The following KCNJ15 variants were observed in gnomAD, a reference collection of about 807,000 sequenced individuals.
KCNJ15 encodes potassium inwardly rectifying channel subfamily J member 15.
In KCNJ15, 14 loss-of-function variants were observed where a neutral mutation model predicts 23.0. The ratio of observed to expected loss-of-function variants is 0.61; its 90% CI spans 0.40 to 0.95. KCNJ15 has a LOEUF of 0.95. Among genes scored for constraint, KCNJ15 ranks in the 40% least tolerant of loss-of-function variants. KCNJ15 has a pLI of 0.00. For synonymous variants in KCNJ15, 185 were observed against 183.2 expected (o/e 1.01, Z -0.08); for missense variants, 388 against 461.8 (o/e 0.84, Z 1.46).
intron 1 of KCNJ15, chr21:38,238,413 G>T: frequency 2.9e-6 from 2 of 691,804 alleles, no homozygotes; most frequent in Non-Finnish European, 5.5e-6. Context: ...TAGGAATGTA[G>T]ACAGGGTGGA....
chr21:38,243,317 G>GT (rs1979136083), intron 1 of KCNJ15, among the ~76,000 whole-genome samples: 1 of 151,956 alleles, frequency 6.6e-6, no homozygotes, highest in African/African-American at 2.4e-5. Flanking sequence ...AACCTGTTTT[G>GT]TTTTTTCCCC....
chr21:38,260,500 A>G (rs945059789), intron 1 of KCNJ15, among the ~76,000 whole-genome samples: 2 of 152,220 alleles, frequency 1.3e-5, no homozygotes, highest in African/African-American at 4.8e-5. Flanking sequence ...CCACTATCCA[A>G]TTTGAATCCA....
At chr21:38,259,604 T>C (rs985642592) in intron 1 of KCNJ15, among the ~76,000 whole-genome samples, 1 of 152,218 alleles carries the variant, frequency 6.6e-6, no homozygotes, top group Non-Finnish European at 1.5e-5. Flanking sequence ...AAAGATGAGT[T>C]TGTTGCTTAT....
chr21:38,253,638 A>G (rs1348632025), upstream of KCNJ15, among the ~76,000 whole-genome samples: 1 of 152,170 alleles, frequency 6.6e-6, no homozygotes, highest in Non-Finnish European at 1.5e-5. Flanking sequence ...ATCACACTTT[A>G]AGGTTTTTTA....
At chr21:38,254,268 C>A (rs991211845), upstream of KCNJ15, among the ~76,000 whole-genome samples, 3 of 152,178 alleles carry the variant, frequency 2.0e-5, no homozygotes, top group African/African-American at 7.2e-5. Context: ...CACCTCTCAA[C>A]CCTGCAGTCA....
upstream of KCNJ15, among the ~76,000 whole-genome samples, chr21:38,255,819 T>C (rs2090277573): frequency 6.6e-6 from 1 of 152,098 alleles, no homozygotes; most frequent in Non-Finnish European, 1.5e-5. Flanking sequence ...AGAGGAAGTA[T>C]CATTCATTTC....
chr21:38,292,718 C>T (rs1310794721), intron 1 of KCNJ15, among the ~76,000 whole-genome samples: 3 of 152,226 alleles, frequency 2.0e-5, no homozygotes, highest in East Asian at 3.9e-4. Flanking sequence ...ACTGTAATCC[C>T]GGCACTTTGG....
chr21:38,265,975 T>G (rs775287444), intron 1 of KCNJ15, among the ~76,000 whole-genome samples: 1 of 152,066 alleles, frequency 6.6e-6, no homozygotes, highest in Non-Finnish European at 1.5e-5. Context: ...GGAGTTACCA[T>G]GCACCAGCAG....
intron 1 of KCNJ15, among the ~76,000 whole-genome samples, chr21:38,249,163 G>A (rs1979659205): frequency 1.3e-5 from 2 of 152,104 alleles, no homozygotes; most frequent in South Asian, 4.1e-4. Context: ...TTTGCTGTTG[G>A]TGTCCACACT....
rs79693946 is a variant in KCNJ15, at chr21:38,264,837, A to G, written c.-117+7652A>G. 5.9e-3 allele frequency among the ~76,000 whole-genome samples: 901 copies of G among 152,348 alleles called. 13 individuals are homozygous for G. Among genetic ancestry groups the G allele is most frequent in the African/African-American group, 0.02 (848 of 41,582 alleles). ...ACAGGGAACCATGTGCTTAAGATAT[A>G]GAAGTTGTGTAAACCCAACAGAGGA... On this transcript the variant is annotated intron_variant, in intron 1 of 2. Coordinates refer to ENST00000398938, the MANE Select transcript of KCNJ15 (RefSeq NM_170736.3).
chr21:38,268,949 C>T (rs574560861), intron 1 of KCNJ15: 1 of 152,334 alleles, frequency 6.6e-6, no homozygotes, highest in Admixed American at 6.5e-5. Flanking sequence ...AAAGGTTCGA[C>T]TTGGTGGTAG....
At chr21:38,290,953 G>A (rs1984537130) in intron 1 of KCNJ15, among the ~76,000 whole-genome samples, 1 of 142,854 alleles carries the variant, frequency 7.0e-6, no homozygotes, top group Non-Finnish European at 1.5e-5. Flanking sequence ...GTTTAGACCA[G>A]ATCAGCACTC....
Position 38,299,696 on chromosome 21 carries a change from G to A in KCNJ15, c.435G>A (p.Leu145=). 6 of 1,614,132 alleles carry A rather than the reference G, an allele frequency of 3.7e-6. No homozygotes were observed. Among genetic ancestry groups the A allele is most frequent in the Non-Finnish European group, 5.1e-6 (6 of 1,180,026 alleles). The change falls in exon 3 of 3, where the codon CTG becomes CTA. Residue 145 remains leucine, a synonymous_variant. Transcript: ENST00000398938. The surrounding 1 kb of genome is among the most constrained non-coding windows in gnomAD (Gnocchi z 4.5). ...ITEECPHAIF[L]LVAQLVITTL... ...AGGAATGTCCTCATGCCATCTTCCTGTTGGTTGCTCAGTTGGTCATCACGA... is the reference window on the plus strand; with the variant it reads ...AGGAATGTCCTCATGCCATCTTCCTATTGGTTGCTCAGTTGGTCATCACGA...
chr21:38,233,718 A>T (rs1052960717), intron 1 of KCNJ15, among the ~76,000 whole-genome samples: 1 of 152,152 alleles, frequency 6.6e-6, no homozygotes. Flanking sequence ...AAAAATTATT[A>T]TAAGGGAATA....
chr21:38,237,993 A>T (rs1176090705), intron 1 of KCNJ15: 4 of 192,164 alleles, frequency 2.1e-5, no homozygotes, highest in African/African-American at 9.4e-5. Flanking sequence ...AGAAAGCAAA[A>T]CAGCCTAATT....
At chr21:38,242,058 C>T (rs1470121612) in intron 1 of KCNJ15, among the ~76,000 whole-genome samples, 2 of 151,720 alleles carry the variant, frequency 1.3e-5, no homozygotes, top group African/African-American at 4.8e-5. Flanking sequence ...TGAAAAGCGG[C>T]TTTCCACTGT....
chr21:38,291,265 T>C (rs1026962523), intron 1 of KCNJ15, among the ~76,000 whole-genome samples: 2 of 152,086 alleles, frequency 1.3e-5, no homozygotes, highest in East Asian at 3.9e-4. Context: ...GCCTTAACTT[T>C]CCCATCCTAG....
At chr21:38,274,903 G>A (rs1982501222) in intron 1 of KCNJ15, among the ~76,000 whole-genome samples, 1 of 151,748 alleles carries the variant, frequency 6.6e-6, no homozygotes, top group Non-Finnish European at 1.5e-5. Context: ...TTTTTTTGCA[G>A]TTCTCATTGA....
intron 1 of KCNJ15, among the ~76,000 whole-genome samples, chr21:38,273,599 C>G (rs1178596883): frequency 1.3e-5 from 2 of 152,184 alleles, no homozygotes; most frequent in African/African-American, 4.8e-5. Flanking sequence ...ATTTCTCCCA[C>G]CAGAATTTAG....
Sources: allele counts gnomAD v4.1 joint callset (sites outside exome capture counted in the v4.1 genomes callset), GRCh38; gene constraint gnomAD v4.1.1; non-coding constraint Gnocchi (gnomAD v3.1); transcripts MANE v1.5; gene names NCBI Gene and HGNC (gene_info 2026-07-23, HGNC 2026-07-21).